ABCC1: variants seen among roughly 807,000 people sequenced by gnomAD.
The protein encoded by ABCC1 is ATP binding cassette subfamily C member 1 (ABCC1 blood group).
In ABCC1, 83 loss-of-function variants were observed where a neutral mutation model predicts 172.9. The ratio of observed to expected loss-of-function variants is 0.48; its 90% CI spans 0.40 to 0.58. The LOEUF is 0.58. Ranked by LOEUF, ABCC1 falls within the 20% of genes least tolerant of loss-of-function variation. The pLI is 0.00. For missense variants in ABCC1, 1,817 were observed against 2,002.7 expected (o/e 0.91, Z 1.77); for synonymous variants, 937 against 825.2 (o/e 1.14, Z -2.32).
chr16:15,986,093 C>G (rs1448957867), intron 1 of ABCC1, among the ~76,000 whole-genome samples: 7 of 151,932 alleles, frequency 4.6e-5, no homozygotes, highest in African/African-American at 1.7e-4. Flanking sequence ...TGTCACCATG[C>G]CTGGCTAATT....
intron 14 of ABCC1, among the ~76,000 whole-genome samples, chr16:16,072,446 A>G (rs1345034966): frequency 6.6e-6 from 1 of 150,972 alleles, no homozygotes; most frequent in Non-Finnish European, 1.5e-5. Context: ...CAGCCTCCCA[A>G]AGTGCTGGGC....
intron 1 of ABCC1, among the ~76,000 whole-genome samples, chr16:15,973,404 G>T (rs760348429): frequency 6.6e-6 from 1 of 152,082 alleles, no homozygotes; most frequent in African/African-American, 2.4e-5. Flanking sequence ...AGGCCAGGGG[G>T]TGTGCTAAAT....
chr16:16,082,312 A>G (rs952903456), intron 16 of ABCC1, among the ~76,000 whole-genome samples: 2 of 152,010 alleles, frequency 1.3e-5, no homozygotes, highest in African/African-American at 4.8e-5. Flanking sequence ...GCTGAGCATG[A>G]TGGCTCATGC....
chr16:16,032,036 G>A (rs1327636187), intron 5 of ABCC1, among the ~76,000 whole-genome samples: 3 of 151,852 alleles, frequency 2.0e-5, no homozygotes, highest in Admixed American at 2.0e-4. Context: ...CTGTTGCCAG[G>A]CTGTAGTGCA....
At chr16:15,949,157 G>C (rs1197610246), upstream of ABCC1, among the ~76,000 whole-genome samples, 1 of 152,120 alleles carries the variant, frequency 6.6e-6, no homozygotes, top group Non-Finnish European at 1.5e-5. Flanking sequence ...TGGGCAGAGG[G>C]AATCACTCAA....
intron 14 of ABCC1, among the ~76,000 whole-genome samples, chr16:16,072,535 G>A (rs1279795920): frequency 7.1e-6 from 1 of 140,326 alleles, no homozygotes; most frequent in African/African-American, 2.7e-5. Flanking sequence ...ACAAGGTCTT[G>A]CTTTGTTCCT....
intron 5 of ABCC1, among the ~76,000 whole-genome samples, chr16:16,017,859 C>A (rs1428938613): frequency 6.6e-6 from 1 of 151,974 alleles, no homozygotes; most frequent in Non-Finnish European, 1.5e-5. Context: ...GAGCAAACAC[C>A]TAGAGGAAGA....
chr16:15,949,232 A>G (rs900683839), upstream of ABCC1, among the ~76,000 whole-genome samples: 1 of 151,204 alleles, frequency 6.6e-6, no homozygotes, highest in African/African-American at 2.4e-5. Flanking sequence ...ATGAGGGCAC[A>G]GTTAAGGCGC....
At chr16:16,104,515 TAC>T (rs927251839) in intron 20 of ABCC1, among the ~76,000 whole-genome samples, 49 of 152,136 alleles carry the variant, frequency 3.2e-4, no homozygotes, top group Admixed American at 2.3e-3. Context: ...TTGAGCTAGA[TAC>T]AGAGTGCTGA....
intron 21 of ABCC1, among the ~76,000 whole-genome samples, chr16:16,108,093 C>T (rs1476857631): frequency 6.6e-6 from 1 of 151,890 alleles, no homozygotes; most frequent in African/African-American, 2.4e-5. Flanking sequence ...CTCCAGGAAG[C>T]CAGAGAAGTT....
At chr16:16,004,455 C>T (rs760378538) in intron 1 of ABCC1, among the ~76,000 whole-genome samples, 4 of 152,038 alleles carry the variant, frequency 2.6e-5, no homozygotes, top group Non-Finnish European at 5.9e-5. Context: ...CAGCCATCAC[C>T]TCAGGAATTA....
At position 16,083,501 on chromosome 16, in the gene ABCC1, G is replaced by C; in HGVS notation, c.2251G>C (p.Glu751Gln). Reference sequence around the variant, plus strand: ...GGCCTGTGCCCTCCTCCCAGACCTGGAAATCCTGCCCAGTGGGGATCGGAC... The same window carrying C: ...GGCCTGTGCCCTCCTCCCAGACCTGCAAATCCTGCCCAGTGGGGATCGGAC... ...IQACALLPDLEILPSGDRTEI... is the reference protein window; with the variant it reads ...IQACALLPDLQILPSGDRTEI... Residue 751 changes from glutamate to glutamine, a missense_variant, in exon 17 of 31, where the codon GAA (glutamate) becomes CAA (glutamine). Glu to Gln is a conservative substitution (Grantham distance 29). Transcript: ENST00000399410. 2 of 1,613,878 alleles carry C rather than the reference G, an allele frequency of 1.2e-6. No homozygotes were observed. The highest frequency in any genetic ancestry group is 1.7e-6 in the Non-Finnish European group (2 of 1,180,002).
chr16:16,003,657 C>G (rs1230775513), intron 1 of ABCC1, among the ~76,000 whole-genome samples: 1 of 86,724 alleles, frequency 1.2e-5, no homozygotes, highest in East Asian at 3.6e-4. Flanking sequence ...GATGGATGAA[C>G]TGGTGGGTGG....
At chr16:16,039,233 GTATGTA>G (rs146659265) in intron 7 of ABCC1, among the ~76,000 whole-genome samples, 3 of 134,750 alleles carry the variant, frequency 2.2e-5, no homozygotes, top group African/African-American at 5.8e-5. Flanking sequence ...GTGTGTGTGT[GTATGTA>G]TGTGTGTGTG....
At chr16:16,132,593 C>T (rs1401848314) in intron 27 of ABCC1, among the ~76,000 whole-genome samples, 1 of 133,616 alleles carries the variant, frequency 7.5e-6, no homozygotes, top group Admixed American at 9.1e-5. Flanking sequence ...CCGATCTCAG[C>T]TCACTGCAAC....
chr16:16,040,064 TTGTATGTATGTATGTATGTATGTA>T (rs10543561), intron 7 of ABCC1, among the ~76,000 whole-genome samples: 77 of 134,780 alleles, frequency 5.7e-4, no homozygotes, highest in African/African-American at 2.3e-3. Context: ...GTTTGTTTGT[TTGTATGTATGTATGTATGTATGTA>T]TGTATGTATG....
At chr16:16,133,697 C>G (rs908305482) in intron 27 of ABCC1, among the ~76,000 whole-genome samples, 1 of 152,150 alleles carries the variant, frequency 6.6e-6, no homozygotes, top group East Asian at 1.9e-4. Flanking sequence ...AGCCACCGTG[C>G]CCCAGCCCTT....
chr16:16,125,990 G>A, intron 26 of ABCC1, 79 bp downstream of exon 26: 1 of 1,044,260 alleles, frequency 9.6e-7, no homozygotes, highest in South Asian at 1.6e-5. Context: ...CCTATCCTGT[G>A]CACCTCTGCC....
chr16:15,987,560 T>C (rs187497414), intron 1 of ABCC1, among the ~76,000 whole-genome samples: 1 of 152,294 alleles, frequency 6.6e-6, no homozygotes, highest in African/African-American at 2.4e-5. Context: ...AGAGTGCCAA[T>C]AGCACTACCC....
Sources: allele counts gnomAD v4.1 joint callset (sites outside exome capture counted in the v4.1 genomes callset), GRCh38; gene constraint gnomAD v4.1.1; transcripts MANE v1.5; gene names NCBI Gene and HGNC (gene_info 2026-07-23, HGNC 2026-07-21).